Variants in IQGAP2 observed in about 807,000 individuals in gnomAD.
The protein encoded by IQGAP2 is ras GTPase-activating-like protein IQGAP2.
In IQGAP2, 173 loss-of-function variants were observed where a neutral mutation model predicts 201.3. That is an observed-to-expected ratio of 0.86 (90% CI 0.76 to 0.98). IQGAP2 has a LOEUF of 0.98. Ranked by LOEUF, IQGAP2 falls within the 50% of genes least tolerant of loss-of-function variation. The probability of loss-of-function intolerance (pLI) is 0.00; values close to 1 mark genes in which losing one functional copy is unlikely to be tolerated. For missense variants in IQGAP2, 1,687 were observed against 1,864.8 expected (o/e 0.90, Z 1.76); for synonymous variants, 675 against 673.9 (o/e 1.00, Z -0.03).
intron 2 of IQGAP2, among the ~76,000 whole-genome samples, chr5:76,488,315 CA>C (rs1278317075): frequency 3.9e-5 from 6 of 152,158 alleles, no homozygotes; most frequent in African/African-American, 1.4e-4. Flanking sequence ...ATCTGTTAAT[CA>C]AGTTCTATTG....
At chr5:76,518,412 C>T (rs1262695945) in intron 2 of IQGAP2, among the ~76,000 whole-genome samples, 2 of 152,132 alleles carry the variant, frequency 1.3e-5, no homozygotes, top group African/African-American at 4.8e-5. Context: ...CTTTTTAAAA[C>T]CATCAGATCT....
chr5:76,421,150 C>T (rs570573566), intron 1 of IQGAP2, among the ~76,000 whole-genome samples: 46 of 152,242 alleles, frequency 3.0e-4, no homozygotes, highest in African/African-American at 1.0e-3. Context: ...ATACCTATCA[C>T]TTTTTAATGG....
At chr5:76,587,948 C>T (rs1309964956) in intron 5 of IQGAP2, among the ~76,000 whole-genome samples, 1 of 138,558 alleles carries the variant, frequency 7.2e-6, no homozygotes, top group African/African-American at 2.8e-5. Flanking sequence ...TCTGTCTCAA[C>T]CAAAAAAAAA....
At chr5:76,562,586 T>C in intron 3 of IQGAP2, 34 bp downstream of exon 3, 1 of 1,582,730 alleles carries the variant, frequency 6.3e-7, no homozygotes, top group Non-Finnish European at 8.6e-7. Context: ...GGCTTCCAGC[T>C]AAAAGTGAAA....
chr5:76,669,029 C>A (rs1199788518), intron 23 of IQGAP2, among the ~76,000 whole-genome samples, 185 bp downstream of exon 23: 1 of 152,156 alleles, frequency 6.6e-6, no homozygotes, highest in South Asian at 2.1e-4. Flanking sequence ...TTTTCTCCCA[C>A]CAGTGATACT....
intron 3 of IQGAP2, among the ~76,000 whole-genome samples, chr5:76,566,433 G>A (rs1001260492): frequency 6.6e-6 from 1 of 152,140 alleles, no homozygotes; most frequent in African/African-American, 2.4e-5. Context: ...CTTGCCACAA[G>A]GAGGAAAAGA....
chr5:76,510,144 C>A (rs1388613249), intron 2 of IQGAP2, among the ~76,000 whole-genome samples: 1 of 151,694 alleles, frequency 6.6e-6, no homozygotes, highest in African/African-American at 2.4e-5. Flanking sequence ...GGATTACAGG[C>A]ACCCGCCACC....
chr5:76,556,259 C>T (rs1743937362), intron 2 of IQGAP2, among the ~76,000 whole-genome samples: 1 of 152,046 alleles, frequency 6.6e-6, no homozygotes, highest in Admixed American at 6.5e-5. Context: ...GCTGGTTTCC[C>T]CACCCTAATC....
At chr5:76,480,282 C>G (rs1256376731) in intron 2 of IQGAP2, among the ~76,000 whole-genome samples, 1 of 152,186 alleles carries the variant, frequency 6.6e-6, no homozygotes, top group Non-Finnish European at 1.5e-5. Flanking sequence ...TGGAGCTGAG[C>G]TCAAGGGACT....
chr5:76,576,277 CAT>C (rs1388330118), intron 5 of IQGAP2, among the ~76,000 whole-genome samples: 4 of 152,124 alleles, frequency 2.6e-5, no homozygotes, highest in Non-Finnish European at 4.4e-5. Flanking sequence ...AAAGAAGAAA[CAT>C]AGTAGTTTGG....
intron 5 of IQGAP2, among the ~76,000 whole-genome samples, chr5:76,584,089 T>C (rs1040364394): frequency 2.0e-5 from 3 of 152,218 alleles, no homozygotes; most frequent in African/African-American, 7.2e-5. Flanking sequence ...ACCAGGCTGG[T>C]CTCGAACTCC....
chr5:76,544,910 G>A (rs1249487976), intron 2 of IQGAP2, among the ~76,000 whole-genome samples: 1 of 152,006 alleles, frequency 6.6e-6, no homozygotes, highest in Non-Finnish European at 1.5e-5. Context: ...CAGTATGTAT[G>A]TAGTTATATA....
chr5:76,507,901 C>T (rs993731689), intron 2 of IQGAP2, among the ~76,000 whole-genome samples: 5 of 147,906 alleles, frequency 3.4e-5, no homozygotes, highest in African/African-American at 1.3e-4. Context: ...CCTAGCTACT[C>T]AGGAAGCTGA....
At chr5:76,636,992 T>C in intron 15 of IQGAP2, 42 bp from the exon 16 acceptor site, 1 of 1,498,146 alleles carries the variant, frequency 6.7e-7, no homozygotes, top group South Asian at 1.3e-5. Flanking sequence ...TGTTTAAGGG[T>C]TCACTGTGTC....
intron 1 of IQGAP2, among the ~76,000 whole-genome samples, chr5:76,447,838 A>C (rs1295155605): frequency 6.6e-6 from 1 of 152,214 alleles, no homozygotes; most frequent in East Asian, 1.9e-4. Flanking sequence ...AAACACAGAT[A>C]AATTGTGGAT....
At chr5:76,640,164 T>C (rs753631605) in intron 16 of IQGAP2, among the ~76,000 whole-genome samples, 14 of 152,224 alleles carry the variant, frequency 9.2e-5, no homozygotes, top group Non-Finnish European at 1.8e-4. Flanking sequence ...CATACATATA[T>C]GTCTTCTCTT....
intron 13 of IQGAP2, among the ~76,000 whole-genome samples, chr5:76,614,367 T>C (rs1392564035): frequency 2.0e-5 from 3 of 152,174 alleles, no homozygotes; most frequent in Non-Finnish European, 4.4e-5. Flanking sequence ...GTTAAACCAC[T>C]GTTAGACTAT....
At chr5:76,645,728 A>G (rs1200014573) in intron 17 of IQGAP2, among the ~76,000 whole-genome samples, 1 of 152,178 alleles carries the variant, frequency 6.6e-6, no homozygotes, top group Non-Finnish European at 1.5e-5. Flanking sequence ...ACGTAAAAAA[A>G]CTCATAAATA....
chr5:76,557,217 G>T (rs1744011270), intron 2 of IQGAP2, among the ~76,000 whole-genome samples: 1 of 152,236 alleles, frequency 6.6e-6, no homozygotes, highest in African/African-American at 2.4e-5. Flanking sequence ...GCTGGCCCCT[G>T]TCAGCTTATT....
Sources: allele counts gnomAD v4.1 joint callset (sites outside exome capture counted in the v4.1 genomes callset), GRCh38; gene constraint gnomAD v4.1.1; transcripts MANE v1.5; gene names NCBI Gene and HGNC (gene_info 2026-07-23, HGNC 2026-07-21).